KIF26B: variants seen among roughly 807,000 people sequenced by gnomAD.
The protein encoded by KIF26B is kinesin-like protein KIF26B.
Under a neutral mutation model 151.2 loss-of-function variants are expected in KIF26B, and 63 were observed. The ratio of observed to expected loss-of-function variants is 0.42; its 90% CI spans 0.34 to 0.51. KIF26B has a LOEUF of 0.51. Ranked by LOEUF, KIF26B falls within the 20% of genes least tolerant of loss-of-function variation. KIF26B has a pLI of 0.07. For missense variants in KIF26B, 2,813 were observed against 2,913.6 expected, an observed-to-expected ratio of 0.97 and a Z score of 0.79; for synonymous variants, 1,357 against 1,262.1, an observed-to-expected ratio of 1.08 and a Z score of -1.59.
At chr1:245,182,998 A>G (rs1668935370) in intron 2 of KIF26B, among the ~76,000 whole-genome samples, 1 of 152,210 alleles carries the variant, frequency 6.6e-6, no homozygotes, top group Admixed American at 6.5e-5. Flanking sequence ...CCTCCCAGCA[A>G]CAGATGAGGC....
At chr1:245,346,657 C>G (rs1672463709) in intron 2 of KIF26B, among the ~76,000 whole-genome samples, 1 of 152,180 alleles carries the variant, frequency 6.6e-6, no homozygotes, top group Non-Finnish European at 1.5e-5. Flanking sequence ...TTCACTCAAC[C>G]TCAGCCCCCC....
chr1:245,562,053 T>C (rs1047224570), intron 5 of KIF26B, among the ~76,000 whole-genome samples: 4 of 152,116 alleles, frequency 2.6e-5, no homozygotes, highest in African/African-American at 9.7e-5. Context: ...GGGGGGCATC[T>C]TCAGTGTGTG....
intron 2 of KIF26B, among the ~76,000 whole-genome samples, chr1:245,341,716 A>T (rs1260700163): frequency 6.6e-6 from 1 of 152,132 alleles, no homozygotes; most frequent in African/African-American, 2.4e-5. Flanking sequence ...AACACAGGAG[A>T]CTATGTTCTC....
At chr1:245,534,374 G>C (rs12117789) in intron 4 of KIF26B, among the ~76,000 whole-genome samples, 43,224 of 151,720 alleles carry the variant, frequency 0.28, 7,314 homozygotes, top group Middle Eastern at 0.4. Flanking sequence ...TGTTAGCCAG[G>C]CTGGTCTTGA....
chr1:245,404,232 G>A (rs1046451867), intron 3 of KIF26B, among the ~76,000 whole-genome samples: 10 of 149,752 alleles, frequency 6.7e-5, no homozygotes, highest in African/African-American at 2.2e-4. Flanking sequence ...TTTATAAAGC[G>A]TAGAGTCTTT....
chr1:245,509,020 G>C (rs1490062577), intron 4 of KIF26B, among the ~76,000 whole-genome samples: 1 of 152,234 alleles, frequency 6.6e-6, no homozygotes, highest in Non-Finnish European at 1.5e-5. Context: ...AATGGAGGTA[G>C]ATGTTCAGTT....
chr1:245,246,970 G>GACAC (rs953063799), intron 2 of KIF26B, among the ~76,000 whole-genome samples: 36 of 146,866 alleles, frequency 2.5e-4, no homozygotes, highest in African/African-American at 8.3e-4. Flanking sequence ...CACAGACACA[G>GACAC]ACACACACAC....
At chr1:245,155,577 C>A (rs1471960286) in intron 1 of KIF26B, 90 bp downstream of exon 1, 2 of 1,192,708 alleles carry the variant, frequency 1.7e-6, no homozygotes, top group Non-Finnish European at 2.4e-6. Flanking sequence ...GCCCCGGCCC[C>A]GAGCTCTCCC....
At chr1:245,316,322 C>T (rs893821456) in intron 2 of KIF26B, among the ~76,000 whole-genome samples, 4 of 152,038 alleles carry the variant, frequency 2.6e-5, no homozygotes, top group African/African-American at 9.7e-5. Flanking sequence ...TGGGGCCTCA[C>T]CATGTTGGCC....
At chr1:245,237,078 A>G (rs1167352917) in intron 2 of KIF26B, among the ~76,000 whole-genome samples, 3 of 152,226 alleles carry the variant, frequency 2.0e-5, no homozygotes. Context: ...TGGTGTCTTC[A>G]GCAGCACACT....
At chr1:245,504,871 A>G (rs2103080910) in intron 4 of KIF26B, among the ~76,000 whole-genome samples, 1 of 152,340 alleles carries the variant, frequency 6.6e-6, no homozygotes, top group South Asian at 2.1e-4. Context: ...TTTTAAATGA[A>G]TAAATCCCTA....
At chr1:245,311,754 G>A (rs753955459) in intron 2 of KIF26B, among the ~76,000 whole-genome samples, 11 of 152,232 alleles carry the variant, frequency 7.2e-5, no homozygotes, top group Admixed American at 2.0e-4. Flanking sequence ...GCAACATGGG[G>A]AAACCCTGTC....
intron 4 of KIF26B, among the ~76,000 whole-genome samples, chr1:245,424,174 T>C (rs1256013108): frequency 6.6e-6 from 1 of 151,778 alleles, no homozygotes; most frequent in East Asian, 1.9e-4. Flanking sequence ...ATTTTTGAGA[T>C]GGAGTCCCAC....
chr1:245,451,607 T>TTTTTTTTTTTTTTTTG (rs1182544166), intron 4 of KIF26B, among the ~76,000 whole-genome samples: 1 of 139,306 alleles, frequency 7.2e-6, no homozygotes, highest in African/African-American at 2.7e-5. Flanking sequence ...TTTTTTTTTT[T>TTTTTTTTTTTTTTTTG]TTTTTTGGTT....
chr1:245,582,797 T>C (rs1364199545), intron 5 of KIF26B, among the ~76,000 whole-genome samples: 3 of 152,318 alleles, frequency 2.0e-5, no homozygotes, highest in African/African-American at 7.2e-5. Context: ...TTAACAATAA[T>C]ATGCCCACCT....
chr1:245,172,768 T>A (rs1291880826), intron 2 of KIF26B, among the ~76,000 whole-genome samples: 1 of 151,976 alleles, frequency 6.6e-6, no homozygotes, highest in Non-Finnish European at 1.5e-5. Context: ...CGATATTGCA[T>A]CACTGCGCTC....
intron 10 of KIF26B, among the ~76,000 whole-genome samples, chr1:245,652,134 GTGTGTGTGT>G (rs1553300724): frequency 7.1e-5 from 10 of 140,898 alleles, no homozygotes; most frequent in African/African-American, 1.2e-4. Context: ...GTGTGTGTGT[GTGTGTGTGT>G]GTGAGAGAGA....
chr1:245,425,762 G>A (rs1314443018), intron 4 of KIF26B, among the ~76,000 whole-genome samples: 1 of 152,188 alleles, frequency 6.6e-6, no homozygotes, highest in African/African-American at 2.4e-5. Flanking sequence ...TACATTCAGA[G>A]CAAGAGTTTG....
At chr1:245,575,540 T>A (rs976426208) in intron 5 of KIF26B, among the ~76,000 whole-genome samples, 1 of 152,038 alleles carries the variant, frequency 6.6e-6, no homozygotes, top group African/African-American at 2.4e-5. Flanking sequence ...CAGATTTCAC[T>A]CACTGACCTG....
Sources: gnomAD v4.1 joint callset for allele counts (sites outside exome capture counted in the v4.1 genomes callset) on GRCh38, gnomAD v4.1.1 for gene constraint, MANE v1.5 for transcripts, NCBI Gene and HGNC (gene_info 2026-07-23, HGNC 2026-07-21) for gene names.